The following CCDC172 variants were observed in gnomAD, a reference collection of about 807,000 sequenced individuals.
CCDC172 encodes the protein coiled-coil domain containing 172.
In CCDC172, 30 loss-of-function variants were observed where a neutral mutation model predicts 38.0. That is an observed-to-expected ratio of 0.79 (90% CI 0.59 to 1.07). CCDC172 has a LOEUF of 1.07. Ranked by LOEUF, CCDC172 falls within the 50% of genes least tolerant of loss-of-function variation. CCDC172 has a pLI of 0.00. For synonymous variants in CCDC172, 78 were observed against 88.3 expected (o/e 0.88, Z 0.66); for missense variants, 297 against 290.1 (o/e 1.02, Z -0.17).
intron 7 of CCDC172, 61 bp downstream of exon 7, chr10:116,357,999 C>T: frequency 1.2e-6 from 1 of 841,042 alleles, no homozygotes; most frequent in Non-Finnish European, 1.9e-6. Context: ...AAATAGATTT[C>T]AGTATAAAGC....
At chr10:116,337,448 C>T (rs1410254475) in intron 3 of CCDC172, among the ~76,000 whole-genome samples, 2 of 152,054 alleles carry the variant, frequency 1.3e-5, no homozygotes, top group African/African-American at 4.8e-5. Flanking sequence ...CTGTGCCTGG[C>T]CTATCACTTT....
chr10:116,327,281 C>T lies in CCDC172; in HGVS notation c.165+1893C>T, dbSNP rs552571105. 5.3e-5 allele frequency among the ~76,000 whole-genome samples: 8 copies of T among 152,146 alleles called. No individual in the cohort carries two copies. The South Asian group carries it at 1.7e-3, about 32-fold the overall frequency. On this transcript the variant is annotated intron_variant, in intron 3 of 8. Transcript: ENST00000333254. ...ATTTTATTAAAGCAGATTTCTTAAG[C>T]TCACTTTAAACATTTTTCGTCATGA...
chr10:116,327,753 T>G (rs185548935), intron 3 of CCDC172, among the ~76,000 whole-genome samples: 17 of 152,188 alleles, frequency 1.1e-4, no homozygotes, highest in South Asian at 6.2e-4. Flanking sequence ...CTGAAATAGT[T>G]TGATTTGTAT....
At chr10:116,361,673 C>T (rs1192772440) in intron 7 of CCDC172, among the ~76,000 whole-genome samples, 2 of 152,100 alleles carry the variant, frequency 1.3e-5, no homozygotes, top group Non-Finnish European at 2.9e-5. Context: ...TTAATATACA[C>T]CTGCTACGAG....
intron 5 of CCDC172, among the ~76,000 whole-genome samples, chr10:116,354,180 TA>T (rs1844965640): frequency 6.6e-6 from 1 of 152,200 alleles, no homozygotes; most frequent in Non-Finnish European, 1.5e-5. Flanking sequence ...GATCGCAGTG[TA>T]AACAAACCTA....
At chr10:116,342,499 A>G (rs939499430) in intron 5 of CCDC172, among the ~76,000 whole-genome samples, 1 of 152,194 alleles carries the variant, frequency 6.6e-6, no homozygotes, top group Non-Finnish European at 1.5e-5. Flanking sequence ...GAAAATATGT[A>G]AGCAGACATT....
At chr10:116,338,851 G>T (rs899486759) in intron 3 of CCDC172, among the ~76,000 whole-genome samples, 2 of 151,948 alleles carry the variant, frequency 1.3e-5, no homozygotes, top group Non-Finnish European at 2.9e-5. Context: ...TTTGAGTTTT[G>T]GGTTTGACAT....
At chr10:116,347,659 AAGTT>A (rs1368515205) in intron 5 of CCDC172, among the ~76,000 whole-genome samples, 1 of 152,134 alleles carries the variant, frequency 6.6e-6, no homozygotes, top group Non-Finnish European at 1.5e-5. Context: ...ATTTCCATAA[AAGTT>A]AGTAATAAGG....
chr10:116,342,118 CAAAGA>C lies in CCDC172; in HGVS notation c.371_375del (p.Lys124ArgfsTer11). The C allele has an allele frequency of 6.5e-7, 1 of 1,548,882 alleles. No homozygotes were observed. The highest frequency in any genetic ancestry group is 1.2e-5 in the South Asian group (1 of 81,254). ...GACTTTAATAATGATTATGAAATAA[CAAAGA>C]AAAGAGAGCTTTTGATGAAAGAAAA... On this transcript the variant is annotated frameshift_variant, in exon 5 of 9. Transcript: ENST00000333254. LOFTEE classifies it high-confidence loss of function.
chr10:116,335,911 A>G (rs1175906578), intron 3 of CCDC172, among the ~76,000 whole-genome samples: 17 of 152,002 alleles, frequency 1.1e-4, no homozygotes, highest in Admixed American at 5.9e-4. Flanking sequence ...TCACATCTGT[A>G]TTCCCAGCAC....
At chr10:116,347,493 C>T (rs1356038981) in intron 5 of CCDC172, among the ~76,000 whole-genome samples, 3 of 151,698 alleles carry the variant, frequency 2.0e-5, no homozygotes. Flanking sequence ...AAATTCATTA[C>T]ATTAATAGAT....
intron 3 of CCDC172, among the ~76,000 whole-genome samples, chr10:116,328,253 A>G (rs992359780): frequency 1.3e-5 from 2 of 152,094 alleles, no homozygotes; most frequent in African/African-American, 4.8e-5. Context: ...TAGTATGAGT[A>G]CTTTATGAAT....
chr10:116,338,196 T>C (rs942870352), intron 3 of CCDC172, among the ~76,000 whole-genome samples: 1 of 152,152 alleles, frequency 6.6e-6, no homozygotes, highest in Non-Finnish European at 1.5e-5. Context: ...TTCTTGTCCT[T>C]CCTGACTTTA....
intron 7 of CCDC172, among the ~76,000 whole-genome samples, chr10:116,377,290 C>T (rs1845258033): frequency 6.6e-6 from 1 of 152,138 alleles, no homozygotes; most frequent in African/African-American, 2.4e-5. Context: ...TTCAAGGCCC[C>T]TTTGATTGGT....
chr10:116,333,360 G>C (rs1844689444), intron 3 of CCDC172, among the ~76,000 whole-genome samples: 1 of 152,104 alleles, frequency 6.6e-6, no homozygotes, highest in Non-Finnish European at 1.5e-5. Flanking sequence ...AGTACCCCCA[G>C]CCCAATTTCT....
chr10:116,330,932 G>T (rs1844655058), intron 3 of CCDC172, among the ~76,000 whole-genome samples: 1 of 151,826 alleles, frequency 6.6e-6, no homozygotes, highest in South Asian at 2.1e-4. Context: ...TAGAGACAGG[G>T]TCTTGCTATT....
intron 5 of CCDC172, among the ~76,000 whole-genome samples, chr10:116,353,209 A>G (rs941561577): frequency 6.6e-6 from 1 of 152,030 alleles, no homozygotes; most frequent in East Asian, 1.9e-4. Context: ...AAAAGAATAA[A>G]TGTGTACATC....
At chr10:116,331,996 GT>G (rs1357876376) in intron 3 of CCDC172, among the ~76,000 whole-genome samples, 1 of 152,160 alleles carries the variant, frequency 6.6e-6, no homozygotes, top group Non-Finnish European at 1.5e-5. Context: ...AACAGGTGGA[GT>G]TTTTTATCCA....
At chr10:116,326,137 T>C (rs1356330919) in intron 3 of CCDC172, among the ~76,000 whole-genome samples, 2 of 152,178 alleles carry the variant, frequency 1.3e-5, no homozygotes, top group East Asian at 3.9e-4. Context: ...CCTAGTATGG[T>C]GGCACATGCT....
Sources: allele counts gnomAD v4.1 joint callset (sites outside exome capture counted in the v4.1 genomes callset), GRCh38; gene constraint gnomAD v4.1.1; transcripts MANE v1.5; gene names NCBI Gene and HGNC (gene_info 2026-07-23, HGNC 2026-07-21).